RPRD1A: variants seen among roughly 807,000 people sequenced by gnomAD.
The protein encoded by RPRD1A is regulation of nuclear pre-mRNA domain containing 1A, also known as regulation of nuclear pre-mRNA domain-containing protein 1A.
A neutral mutation model predicts 37.8 loss-of-function variants in RPRD1A; 9 were observed. The observed-to-expected ratio is 0.24, with a 90% CI of 0.14 to 0.42. The LOEUF is 0.42. Ranked by LOEUF, RPRD1A falls within the 10% of genes least tolerant of loss-of-function variation. The pLI, the probability that RPRD1A is intolerant of heterozygous loss-of-function variation, is 1.00. For synonymous variants in RPRD1A, 138 were observed against 139.7 expected (o/e 0.99, Z 0.08); for missense variants, 255 against 371.0 (o/e 0.69, Z 2.57).
At chr18:35,996,405 G>T (rs766384385) in intron 6 of RPRD1A, among the ~76,000 whole-genome samples, 14 of 151,934 alleles carry the variant, frequency 9.2e-5, no homozygotes, top group Non-Finnish European at 1.9e-4. Context: ...AGAAAACTGA[G>T]GCTTTAAAAA....
At chr18:36,010,500 A>AAAAAC (rs1555671032) in intron 6 of RPRD1A, among the ~76,000 whole-genome samples, 5 of 152,126 alleles carry the variant, frequency 3.3e-5, no homozygotes, top group African/African-American at 7.2e-5. Flanking sequence ...CTGTCTCAAA[A>AAAAAC]AAAACAAAAC....
intron 6 of RPRD1A, among the ~76,000 whole-genome samples, chr18:36,013,921 C>A (rs1269299327): frequency 1.3e-5 from 2 of 151,762 alleles, no homozygotes. Context: ...CATAAAAAAC[C>A]ATAAGGAAGG....
At chr18:36,012,139 T>C (rs992987294) in intron 6 of RPRD1A, among the ~76,000 whole-genome samples, 2 of 152,202 alleles carry the variant, frequency 1.3e-5, no homozygotes, top group Admixed American at 1.3e-4. Flanking sequence ...TATACAACAG[T>C]GGTCCTGTAA....
At chr18:36,057,085 C>A (rs906043857) in intron 1 of RPRD1A, among the ~76,000 whole-genome samples, 6 of 136,552 alleles carry the variant, frequency 4.4e-5, no homozygotes, top group Non-Finnish European at 9.2e-5. Flanking sequence ...AAAAAATCAG[C>A]CAGTCATGGT....
intron 6 of RPRD1A, among the ~76,000 whole-genome samples, chr18:36,015,808 G>A (rs1910523071): frequency 6.6e-6 from 1 of 152,158 alleles, no homozygotes; most frequent in Admixed American, 6.6e-5. Context: ...GCTGGGTGAA[G>A]GCGGAAATGA....
Position 36,027,085 on chromosome 18 carries a change from G to A in RPRD1A, c.614-10C>T. 1 of 1,613,322 alleles carries A rather than the reference G, an allele frequency of 6.2e-7. No homozygotes were observed. On this transcript the variant is annotated splice_polypyrimidine_tract_variant and intron_variant, in intron 5 of 6. Transcript: ENST00000399022. ...TCTCCAGATTCTTTATCTAAGAAAA[G>A]CACGGGATAATAAAATATTATACAA...
chr18:36,047,995 C>G (rs968273855), intron 1 of RPRD1A, among the ~76,000 whole-genome samples: 2 of 151,752 alleles, frequency 1.3e-5, no homozygotes, highest in Admixed American at 1.3e-4. Context: ...GATATCAAAA[C>G]CAGACACAGC....
At chr18:36,057,734 C>A (rs1290458447) in intron 1 of RPRD1A, among the ~76,000 whole-genome samples, 1 of 152,166 alleles carries the variant, frequency 6.6e-6, no homozygotes, top group Non-Finnish European at 1.5e-5. Context: ...TACATAACAC[C>A]ACATTCAAAT....
intron 1 of RPRD1A, 39 bp downstream of exon 1, chr18:36,067,213 GCC>G (rs1361265534): frequency 1.3e-6 from 2 of 1,524,024 alleles, no homozygotes; most frequent in Non-Finnish European, 1.8e-6. Context: ...CTGGAGGCCG[GCC>G]GGGTGGTGGG....
intron 6 of RPRD1A, among the ~76,000 whole-genome samples, chr18:36,008,939 C>T (rs1210454584): frequency 6.6e-6 from 1 of 152,104 alleles, no homozygotes; most frequent in Non-Finnish European, 1.5e-5. Context: ...TGAAGATACT[C>T]TCAGCACACG....
intron 6 of RPRD1A, among the ~76,000 whole-genome samples, chr18:36,020,076 G>A (rs1351122233): frequency 3.3e-5 from 5 of 152,100 alleles, no homozygotes; most frequent in Admixed American, 6.6e-5. Context: ...TGGAAAGGAC[G>A]AACCTGTTGG....
rs148537953 is a variant in RPRD1A, at chr18:35,996,848, C to T, written c.790-3548G>A. ...ACAAAACTTATCCAGACATGGGTGG[C>T]ATGCACCTGTAGTCCCAGCTACACA... On this transcript the variant is annotated intron_variant, in intron 6 of 6. Coordinates refer to ENST00000399022, the MANE Select transcript of RPRD1A (RefSeq NM_018170.5). Among the ~76,000 whole-genome samples, 4 of 151,732 alleles carry T rather than the reference C, an allele frequency of 2.6e-5. No individual in the cohort carries two copies. The East Asian group carries it at 5.8e-4, about 22-fold the overall frequency.
intron 1 of RPRD1A, among the ~76,000 whole-genome samples, chr18:36,056,263 T>A (rs1568151554): frequency 6.6e-6 from 1 of 151,998 alleles, no homozygotes; most frequent in Non-Finnish European, 1.5e-5. Flanking sequence ...AGAACCCATA[T>A]AACATTCTTT....
rs139403806 is a variant in RPRD1A, at chr18:36,007,535, A to G, written c.790-14235T>C. Among the ~76,000 whole-genome samples, 21 of 152,360 alleles carry G rather than the reference A, an allele frequency of 1.4e-4. No homozygotes were observed. In the East Asian group the frequency reaches 3.3e-3, roughly 24 times the overall value. On this transcript the variant is annotated intron_variant, in intron 6 of 6. Transcript: ENST00000399022. ...CACTGCTTCTTTACATCTCACAAAAAAGCAAAAGAATATAACTGTTACACA... is the reference window on the plus strand; with the variant it reads ...CACTGCTTCTTTACATCTCACAAAAGAGCAAAAGAATATAACTGTTACACA...
At chr18:36,053,153 ATACT>A (rs1250807526) in intron 1 of RPRD1A, among the ~76,000 whole-genome samples, 6 of 152,138 alleles carry the variant, frequency 3.9e-5, no homozygotes, top group East Asian at 1.9e-4. Flanking sequence ...AAAGTACAAG[ATACT>A]TACATCATTT....
chr18:36,060,307 C>T (rs1350236689), intron 1 of RPRD1A, among the ~76,000 whole-genome samples: 1 of 152,050 alleles, frequency 6.6e-6, no homozygotes, highest in East Asian at 1.9e-4. Flanking sequence ...GTGGCGGGCG[C>T]CTATAGTCCC....
chr18:36,008,186 T>A (rs1413390741), intron 6 of RPRD1A, among the ~76,000 whole-genome samples: 1 of 152,136 alleles, frequency 6.6e-6, no homozygotes, highest in South Asian at 2.1e-4. Flanking sequence ...GCTACATTTT[T>A]AAAAGGCATT....
intron 6 of RPRD1A, among the ~76,000 whole-genome samples, chr18:36,011,950 T>G (rs1910205289): frequency 6.6e-6 from 1 of 152,244 alleles, no homozygotes; most frequent in African/African-American, 2.4e-5. Context: ...AATTGCATGT[T>G]GTTCTGAGTA....
intron 6 of RPRD1A, among the ~76,000 whole-genome samples, chr18:36,007,894 C>T (rs774348749): frequency 9.9e-5 from 15 of 152,030 alleles, no homozygotes; most frequent in South Asian, 2.1e-4. Flanking sequence ...GCCGAGATCG[C>T]GCCACTGCAC....
Sources: allele counts gnomAD v4.1 joint callset (sites outside exome capture counted in the v4.1 genomes callset), GRCh38; gene constraint gnomAD v4.1.1; transcripts MANE v1.5; gene names NCBI Gene and HGNC (gene_info 2026-07-23, HGNC 2026-07-21).